The following PDS5B variants were observed in gnomAD, a reference collection of about 807,000 sequenced individuals.
PDS5B encodes the protein PDS5 cohesin associated factor B, also known as sister chromatid cohesion protein PDS5 homolog B.
PDS5B carries 51 observed loss-of-function variants against 184.1 expected under a neutral mutation model. That is an observed-to-expected ratio of 0.28 (90% confidence interval 0.22 to 0.35). The LOEUF (loss-of-function observed/expected upper bound fraction) is 0.35. Among genes scored for constraint, PDS5B ranks in the 10% least tolerant of loss-of-function variants. The pLI is 1.00. For missense variants in PDS5B, 1,180 were observed against 1,723.3 expected (o/e 0.68, Z 5.58); for synonymous variants, 566 against 569.2 (o/e 0.99, Z 0.08).
At chr13:32,672,781 G>A (rs1048759526) in intron 7 of PDS5B, among the ~76,000 whole-genome samples, 3 of 152,160 alleles carry the variant, frequency 2.0e-5, no homozygotes, top group Admixed American at 6.5e-5. Flanking sequence ...CATACTGAGG[G>A]CAGATCTTTC....
chr13:32,627,783 G>A (rs1436654573), intron 1 of PDS5B, among the ~76,000 whole-genome samples: 2 of 152,206 alleles, frequency 1.3e-5, no homozygotes, highest in Admixed American at 6.5e-5. Context: ...AAGGTGGGAT[G>A]AGGATAGAGA....
At position 32,770,558 on chromosome 13, in the gene PDS5B, G is replaced by T. The variant is rs1480726563; in HGVS notation, c.4062G>T (p.Gln1354His). ...KQHRVSRRAQ[Q>H]RAESPESSAI... ...ACCGAGTGTCAAGGAGAGCACAGCA[G>T]AGGTAAGCATGTGTAACTCTAAACT... The change falls in exon 32 of 35, where the codon CAG becomes CAT. Residue 1354 changes from glutamine to histidine, a missense_variant and splice_region_variant. Physicochemically the swap from Gln to His is conservative, Grantham distance 24. This residue lies in a region of PDS5B where 465 missense variants were observed against 497.8 expected (regional missense o/e 0.93). Coordinates refer to ENST00000315596, the MANE Select transcript of PDS5B (RefSeq NM_015032.4). 6.2e-7 allele frequency: 1 copy of T among 1,604,494 alleles called. No individual in the cohort carries two copies. Among genetic ancestry groups the T allele is most frequent in the African/African-American group, 1.4e-5 (1 of 74,022 alleles).
chr13:32,741,017 G>A (rs1431679842), intron 21 of PDS5B, 63 bp from the exon 22 acceptor site: 5 of 954,852 alleles, frequency 5.2e-6, no homozygotes, highest in Non-Finnish European at 8.2e-6. Flanking sequence ...AGTGCTAATT[G>A]AAAAGAATTC....
At chr13:32,710,992 T>A (rs1009781777) in intron 19 of PDS5B, among the ~76,000 whole-genome samples, 4 of 152,108 alleles carry the variant, frequency 2.6e-5, no homozygotes, top group Admixed American at 6.5e-5. Flanking sequence ...TTATTTTCTT[T>A]TTTTCTTTTT....
At chr13:32,742,807 TTTTTC>T in intron 23 of PDS5B, 80 bp downstream of exon 23, 1 of 1,242,938 alleles carries the variant, frequency 8.0e-7, no homozygotes, top group Non-Finnish European at 1.1e-6. Flanking sequence ...GTGCTGTTTC[TTTTTC>T]TTTTTTTTTT....
At chr13:32,611,200 T>C (rs1021813111) in intron 1 of PDS5B, among the ~76,000 whole-genome samples, 6 of 152,132 alleles carry the variant, frequency 3.9e-5, no homozygotes, top group African/African-American at 1.4e-4. Context: ...TTCCCTTATA[T>C]GTTACTCCCA....
intron 1 of PDS5B, among the ~76,000 whole-genome samples, chr13:32,591,073 CAA>C (rs903636477): frequency 2.0e-5 from 3 of 151,666 alleles, no homozygotes; most frequent in Non-Finnish European, 2.9e-5. Flanking sequence ...AAAAATTGTA[CAA>C]AGAGTATTGT....
intron 31 of PDS5B, among the ~76,000 whole-genome samples, chr13:32,768,621 C>A (rs1166476526): frequency 6.6e-6 from 1 of 150,658 alleles, no homozygotes; most frequent in Non-Finnish European, 1.5e-5. Context: ...GGCAAAACCC[C>A]ATCTCTGCTA....
At chr13:32,600,694 G>A (rs1566236416) in intron 1 of PDS5B, among the ~76,000 whole-genome samples, 1 of 152,168 alleles carries the variant, frequency 6.6e-6, no homozygotes, top group South Asian at 2.1e-4. Flanking sequence ...AGCCGAGATC[G>A]TGCCACTGCA....
At position 32,777,174 on chromosome 13, in the gene PDS5B, T is replaced by A. The variant is rs148031257; in HGVS notation, c.*2122T>A. On this transcript the variant is annotated 3_prime_UTR_variant, in exon 35 of 35. Coordinates refer to ENST00000315596, the MANE Select transcript of PDS5B (RefSeq NM_015032.4). Reference sequence around the variant, plus strand: ...AAAAGTGATTGTGAAGGATTTTTATTTGCATGATTATAGTTAAGCAAATTT... The same window carrying A: ...AAAAGTGATTGTGAAGGATTTTTATATGCATGATTATAGTTAAGCAAATTT... 2.6e-5 allele frequency: 4 copies of A among 152,154 alleles called. No homozygotes were observed. The highest frequency in any genetic ancestry group is 2.6e-4 in the Admixed American group (4 of 15,286). 9.4% of individuals were successfully genotyped at this position (152,154 alleles called of 1,614,324 possible). A position where few individuals can be genotyped will look rare whatever the true frequency, so the allele number is the denominator to read the frequency against.
intron 19 of PDS5B, among the ~76,000 whole-genome samples, chr13:32,725,872 T>C (rs1380741435): frequency 6.6e-6 from 1 of 152,214 alleles, no homozygotes; most frequent in Non-Finnish European, 1.5e-5. Context: ...TTCTTTTTTT[T>C]ATTTAGCATG....
At chr13:32,765,546 A>G (rs1954556726) in intron 31 of PDS5B, among the ~76,000 whole-genome samples, 2 of 152,200 alleles carry the variant, frequency 1.3e-5, no homozygotes, top group Admixed American at 6.5e-5. Flanking sequence ...TGTTTCTCCA[A>G]TAACTTATTT....
chr13:32,628,927 T>A (rs570717452), intron 1 of PDS5B, among the ~76,000 whole-genome samples: 1 of 152,228 alleles, frequency 6.6e-6, no homozygotes, highest in Non-Finnish European at 1.5e-5. Context: ...TATATTGACA[T>A]TTTTATTCCT....
At chr13:32,684,719 G>C (rs1008323408) in intron 11 of PDS5B, among the ~76,000 whole-genome samples, 1 of 152,208 alleles carries the variant, frequency 6.6e-6, no homozygotes, top group Non-Finnish European at 1.5e-5. Flanking sequence ...AGTAATTTTG[G>C]TGAAGGATGA....
Position 32,633,755 on chromosome 13 carries a change from C to T in PDS5B, c.-19-14999C>T, listed in dbSNP as rs546860666. ...TTATTAATATTTTATTTACAAGGTA[C>T]ATAACTTTGTAAGCAGATTTGTTGA... On this transcript the variant is annotated intron_variant, in intron 1 of 34. Coordinates refer to ENST00000315596, the MANE Select transcript of PDS5B (RefSeq NM_015032.4). Among the ~76,000 whole-genome samples, 10 of 152,254 alleles carry T rather than the reference C, an allele frequency of 6.6e-5. No homozygotes were observed. In the South Asian group the frequency reaches 1.7e-3, roughly 25 times the overall value.
chr13:32,702,852 T>C (rs1951901190), intron 17 of PDS5B, among the ~76,000 whole-genome samples: 1 of 152,114 alleles, frequency 6.6e-6, no homozygotes, highest in Non-Finnish European at 1.5e-5. Context: ...CTATGGATGA[T>C]TGAGATGATG....
chr13:32,742,765 A>T (rs2140975677), intron 23 of PDS5B, 38 bp downstream of exon 23: 1 of 1,579,956 alleles, frequency 6.3e-7, no homozygotes, highest in Non-Finnish European at 8.7e-7. Context: ...TGGATTGCAT[A>T]ATATTTCAGC....
chr13:32,749,574 A>G (rs538748193), intron 24 of PDS5B, among the ~76,000 whole-genome samples: 1 of 152,192 alleles, frequency 6.6e-6, no homozygotes, highest in Non-Finnish European at 1.5e-5. Context: ...TGTGCTGTAC[A>G]TTGTTCTAAG....
intron 7 of PDS5B, among the ~76,000 whole-genome samples, chr13:32,669,994 A>G (rs1951496189): frequency 6.6e-6 from 1 of 152,104 alleles, no homozygotes; most frequent in African/African-American, 2.4e-5. Flanking sequence ...GCCCTTTTGG[A>G]CTTACAGTTA....
Sources: allele counts gnomAD v4.1 joint callset (sites outside exome capture counted in the v4.1 genomes callset), GRCh38; gene constraint gnomAD v4.1.1; regional missense constraint gnomAD v4.1.1; transcripts MANE v1.5; gene names NCBI Gene and HGNC (gene_info 2026-07-23, HGNC 2026-07-21).